CDH13: variants seen among roughly 807,000 people sequenced by gnomAD.
The protein encoded by CDH13 is cadherin 13, also known as cadherin-13.
A neutral mutation model predicts 63.8 loss-of-function variants in CDH13; 24 were observed. That is an observed-to-expected ratio of 0.38 (90% CI 0.27 to 0.53). The LOEUF (loss-of-function observed/expected upper bound fraction) is 0.53, where lower values mean the gene tolerates loss of function less well. Ranked by LOEUF, CDH13 falls within the 20% of genes least tolerant of loss-of-function variation. The pLI is 0.85. For synonymous variants in CDH13, 503 were observed against 355.3 expected (o/e 1.42, Z -4.67); for missense variants, 1,049 against 903.1 (o/e 1.16, Z -2.07).
At position 83,380,244 on chromosome 16, in the gene CDH13, T is replaced by C. The variant is rs371277520; in HGVS notation, c.781+35238T>C. Among the ~76,000 whole-genome samples the C allele has an allele frequency of 2.5e-4, 38 of 152,252 alleles. No individual in the cohort carries two copies. The East Asian group carries it at 5.4e-3, about 22-fold the overall frequency. The stretch of plus-strand genomic sequence containing the variant: ...TTTAATAAAATAAAGACAAAGCAAA[T>C]GTGACAAAGTGTTACCAGTTGGCAA... On this transcript the variant is annotated intron_variant, in intron 6 of 13. Transcript: ENST00000567109.
chr16:83,350,354 C>T (rs1468624622), intron 6 of CDH13, among the ~76,000 whole-genome samples: 1 of 152,238 alleles, frequency 6.6e-6, no homozygotes, highest in Non-Finnish European at 1.5e-5. Flanking sequence ...AGCTCCCAAA[C>T]TGCATGACTG....
chr16:82,710,318 G>C (rs7191653), intron 1 of CDH13, among the ~76,000 whole-genome samples: 9 of 144,700 alleles, frequency 6.2e-5, no homozygotes, highest in Non-Finnish European at 6.0e-5. Flanking sequence ...TGGATCATGA[G>C]GTCAGGAGAT....
chr16:83,214,302 G>A (rs370796703), intron 4 of CDH13, among the ~76,000 whole-genome samples: 202 of 152,080 alleles, frequency 1.3e-3, no homozygotes, highest in South Asian at 5.6e-3. Flanking sequence ...AACCTAGGCC[G>A]GACGTGGTGG....
intron 2 of CDH13, chr16:82,954,163 G>C (rs2151327981): frequency 6.6e-6 from 1 of 152,338 alleles, no homozygotes; most frequent in East Asian, 1.9e-4. Flanking sequence ...ACCCCCCTTG[G>C]CACGTCTGGG....
intron 2 of CDH13, among the ~76,000 whole-genome samples, chr16:82,890,826 A>G (rs1351850772): frequency 1.3e-5 from 2 of 151,858 alleles, no homozygotes; most frequent in Non-Finnish European, 2.9e-5. Context: ...TAATTTTTGT[A>G]TCTTTAGTGG....
chr16:82,851,502 C>T (rs2039485071), intron 1 of CDH13, among the ~76,000 whole-genome samples: 4 of 151,536 alleles, frequency 2.6e-5, no homozygotes, highest in Admixed American at 2.6e-4. Flanking sequence ...AAACTAAAAG[C>T]AGTCTCCCCT....
At chr16:83,224,019 T>A (rs1597549121) in intron 5 of CDH13, among the ~76,000 whole-genome samples, 2 of 152,326 alleles carry the variant, frequency 1.3e-5, no homozygotes, top group South Asian at 4.1e-4. Flanking sequence ...GTCCCCAAAG[T>A]CCATTGTATC....
chr16:82,716,657 G>A (rs1334425549), intron 1 of CDH13, among the ~76,000 whole-genome samples: 1 of 149,516 alleles, frequency 6.7e-6, no homozygotes, highest in Non-Finnish European at 1.5e-5. Context: ...CATTTGGCAG[G>A]GAGAGTGGGT....
chr16:83,312,745 A>C (rs1478278942), intron 5 of CDH13, among the ~76,000 whole-genome samples: 1 of 152,204 alleles, frequency 6.6e-6, no homozygotes, highest in African/African-American at 2.4e-5. Context: ...ACATAAAATA[A>C]AACCACAAAA....
At chr16:83,287,207 A>T (rs1472326086) in intron 5 of CDH13, among the ~76,000 whole-genome samples, 1 of 152,228 alleles carries the variant, frequency 6.6e-6, no homozygotes, top group African/African-American at 2.4e-5. Flanking sequence ...AGAGATATCC[A>T]GTAGGACCTG....
chr16:83,547,700 T>G (rs1218221205), intron 7 of CDH13, among the ~76,000 whole-genome samples: 1 of 152,236 alleles, frequency 6.6e-6, no homozygotes, highest in African/African-American at 2.4e-5. Context: ...CAGTCTACAG[T>G]TGATGGGCAT....
chr16:82,702,917 G>T (rs970765173), intron 1 of CDH13, among the ~76,000 whole-genome samples: 2 of 152,030 alleles, frequency 1.3e-5, no homozygotes, highest in African/African-American at 2.4e-5. Context: ...TCCCCTCATT[G>T]GTTGGCTATG....
intron 7 of CDH13, among the ~76,000 whole-genome samples, chr16:83,490,636 G>T (rs1041236244): frequency 6.6e-6 from 1 of 152,154 alleles, no homozygotes; most frequent in Non-Finnish European, 1.5e-5. Flanking sequence ...ATGATGTTTG[G>T]CTTGCCCATG....
chr16:82,658,565 T>A (rs1175317459), intron 1 of CDH13, among the ~76,000 whole-genome samples: 1 of 152,212 alleles, frequency 6.6e-6, no homozygotes, highest in Non-Finnish European at 1.5e-5. Context: ...TTATTAGCTG[T>A]ATGAACTTGG....
intron 4 of CDH13, among the ~76,000 whole-genome samples, chr16:83,139,618 C>T (rs2036444462): frequency 6.6e-6 from 1 of 151,886 alleles, no homozygotes; most frequent in Non-Finnish European, 1.5e-5. Context: ...TCTGTTTTTT[C>T]CTTTTGCAAA....
intron 10 of CDH13, 27 bp from the exon 11 acceptor site, chr16:83,748,081 G>A: frequency 5.6e-6 from 9 of 1,613,512 alleles, no homozygotes; most frequent in Non-Finnish European, 7.6e-6. Flanking sequence ...TGAATGCAGA[G>A]TCTGACATTG....
chr16:82,792,603 C>G (rs1048369880), intron 1 of CDH13, among the ~76,000 whole-genome samples: 1 of 152,158 alleles, frequency 6.6e-6, no homozygotes, highest in Non-Finnish European at 1.5e-5. Context: ...GTGTCATATG[C>G]CACTGCATCC....
At chr16:83,141,736 C>A (rs1052476020) in intron 4 of CDH13, among the ~76,000 whole-genome samples, 1 of 152,142 alleles carries the variant, frequency 6.6e-6, no homozygotes, top group Non-Finnish European at 1.5e-5. Context: ...TCTCATTGTT[C>A]AGCTCCCACT....
intron 7 of CDH13, among the ~76,000 whole-genome samples, chr16:83,500,928 G>A (rs1203309876): frequency 6.6e-6 from 1 of 152,066 alleles, no homozygotes; most frequent in East Asian, 1.9e-4. Flanking sequence ...CCAAACAGAG[G>A]GAGTTGTGCC....
Sources: allele counts gnomAD v4.1 joint callset (sites outside exome capture counted in the v4.1 genomes callset), GRCh38; gene constraint gnomAD v4.1.1; transcripts MANE v1.5; gene names NCBI Gene and HGNC (gene_info 2026-07-23, HGNC 2026-07-21).